LEP: variants seen among roughly 807,000 people sequenced by gnomAD.
LEP encodes leptin (murine obesity homolog).
A neutral mutation model predicts 9.8 loss-of-function variants in LEP; 6 were observed. That is an observed-to-expected ratio of 0.61 (90% confidence interval 0.34 to 1.21). The LOEUF (loss-of-function observed/expected upper bound fraction) is 1.21. Ranked by LOEUF, LEP falls within the 50% of genes most tolerant of loss-of-function variation. The pLI, the probability that LEP is intolerant of heterozygous loss-of-function variation, is 0.04. For missense variants in LEP, 134 were observed against 198.1 expected (o/e 0.68, Z 1.94); for synonymous variants, 112 against 81.7 (o/e 1.37, Z -2.00).
chr7:128,252,292 T>C, intron 2 of LEP, 130 bp downstream of exon 2: 1 of 1,050,026 alleles, frequency 9.5e-7, no homozygotes, highest in Non-Finnish European at 1.5e-6. Flanking sequence ...TACTGGAAGC[T>C]GAGAAGGATT....
rs1795319569 is a variant in LEP at position 128,254,921 on chromosome 7, C to A, written c.*158C>A. 1.3e-6 allele frequency: 1 copy of A among 769,108 alleles called. No individual in the cohort carries two copies. The highest frequency in any genetic ancestry group is 2.2e-6 in the Non-Finnish European group (1 of 459,914). The allele number at this position is 769,108 out of a possible 1,614,324, so 47.6% of individuals were successfully genotyped here. ...AAGCCACTCTTCCAAAGGCATAAGA[C>A]CCTAAGCCTCCTTTTGCTTGAAACC... On this transcript the variant is annotated 3_prime_UTR_variant, in exon 3 of 3. Coordinates refer to ENST00000308868, the MANE Select transcript of LEP (RefSeq NM_000230.3).
At chr7:128,244,068 G>A (rs1943319228) in intron 1 of LEP, among the ~76,000 whole-genome samples, 1 of 137,868 alleles carries the variant, frequency 7.3e-6, no homozygotes, top group Non-Finnish European at 1.5e-5. Flanking sequence ...GGGCAACATG[G>A]CAAAACCCCA....
intron 2 of LEP, among the ~76,000 whole-genome samples, chr7:128,253,850 G>A (rs1313962207): frequency 1.3e-5 from 2 of 152,238 alleles, no homozygotes; most frequent in Non-Finnish European, 2.9e-5. Context: ...GGAGCCCCGG[G>A]TAGTAACCAC....
At chr7:128,249,858 A>G (rs937735776) in intron 1 of LEP, among the ~76,000 whole-genome samples, 12 of 152,184 alleles carry the variant, frequency 7.9e-5, no homozygotes, top group African/African-American at 2.9e-4. Flanking sequence ...GGCCTCTCCT[A>G]TTAGGCAGCC....
intron 2 of LEP, among the ~76,000 whole-genome samples, chr7:128,252,952 C>A (rs1001147962): frequency 1.3e-5 from 2 of 152,036 alleles, no homozygotes; most frequent in African/African-American, 2.4e-5. Flanking sequence ...GCCTCACGTG[C>A]TTATTTTCAA....
rs567832706 is a variant in LEP at position 128,250,160 on chromosome 7, C to A, written c.-28-1831C>A. Among the ~76,000 whole-genome samples the A allele has an allele frequency of 1.6e-4, 24 of 152,298 alleles. No individual in the cohort carries two copies. In the South Asian group the frequency reaches 5.0e-3, roughly 32 times the overall value. On this transcript the variant is annotated intron_variant, in intron 1 of 2. Coordinates refer to ENST00000308868, the MANE Select transcript of LEP (RefSeq NM_000230.3). ...GGAGCCGCAGAGCCTAATCACTACA[C>A]CCGCCCATCTCTGCTAGGGTTTCAT...
intron 1 of LEP, among the ~76,000 whole-genome samples, chr7:128,245,068 A>C (rs1795196248): frequency 6.6e-6 from 1 of 151,866 alleles, no homozygotes; most frequent in African/African-American, 2.4e-5. Flanking sequence ...GTGTGTGTGT[A>C]TGTGTGTCTC....
Position 128,254,439 on chromosome 7 carries a change from G to A in LEP, c.180G>A (p.Leu60=), listed in dbSNP as rs1160357234. 1.2e-6 allele frequency: 2 copies of A among 1,613,840 alleles called. No individual in the cohort carries two copies. Among genetic ancestry groups the A allele is most frequent in the African/African-American group, 2.7e-5 (2 of 74,934 alleles). ...SVSSKQKVTG[L]DFIPGLHPIL... ...CCTCCAAACAGAAAGTCACCGGTTTGGACTTCATTCCTGGGCTCCACCCCA... is the reference window on the plus strand; with the variant it reads ...CCTCCAAACAGAAAGTCACCGGTTTAGACTTCATTCCTGGGCTCCACCCCA... The change falls in exon 3 of 3, where the codon TTG becomes TTA. Residue 60 remains leucine, a synonymous_variant. Coordinates refer to ENST00000308868, the MANE Select transcript of LEP (RefSeq NM_000230.3).
chr7:128,255,039 C>A lies in LEP; in HGVS notation c.*276C>A. ...CTGGGATTCCCACCAAGGTCTTCAGCCATCAACAAGAGTTGTCTTGTCCCC... is the reference window on the plus strand; with the variant it reads ...CTGGGATTCCCACCAAGGTCTTCAGACATCAACAAGAGTTGTCTTGTCCCC... On this transcript the variant is annotated 3_prime_UTR_variant, in exon 3 of 3. Transcript: ENST00000308868. 2.1e-6 allele frequency: 1 copy of A among 473,310 alleles called. No homozygotes were observed. The allele number at this position is 473,310 out of a possible 1,614,324, so 29.3% of individuals were successfully genotyped here.
In LEP at chr7:128,256,678, A is replaced by T. The variant is rs987766424; in HGVS notation, c.*1915A>T. 6.6e-6 allele frequency: 1 copy of T among 152,222 alleles called. No homozygotes were observed. The highest frequency in any genetic ancestry group is 2.4e-5 in the African/African-American group (1 of 41,460). 9.4% of individuals were successfully genotyped at this position (152,222 alleles called of 1,614,324 possible). ...TACTTTTCAGGGCATCTTAGCTTCT[A>T]TTATAGCCACATCCCTTTGAAACAA... On this transcript the variant is annotated 3_prime_UTR_variant, in exon 3 of 3. Coordinates refer to ENST00000308868, the MANE Select transcript of LEP (RefSeq NM_000230.3).
intron 1 of LEP, among the ~76,000 whole-genome samples, 158 bp from the exon 2 acceptor site, chr7:128,251,833 A>G (rs1795278108): frequency 1.3e-5 from 2 of 152,188 alleles, no homozygotes; most frequent in African/African-American, 4.8e-5. Flanking sequence ...ATTAATACAT[A>G]TGTAGATCAT....
Sources: allele counts gnomAD v4.1 joint callset (sites outside exome capture counted in the v4.1 genomes callset), GRCh38; gene constraint gnomAD v4.1.1; transcripts MANE v1.5; gene names NCBI Gene and HGNC (gene_info 2026-07-23, HGNC 2026-07-21).